Variants in ROBO2 observed in about 807,000 individuals in gnomAD.
ROBO2 encodes roundabout guidance receptor 2.
A neutral mutation model predicts 160.8 loss-of-function variants in ROBO2; 53 were observed. That is an observed-to-expected ratio of 0.33 (90% confidence interval 0.26 to 0.41). The LOEUF is 0.41. ROBO2 is among the 10% of genes least tolerant of loss of function. ROBO2 has a pLI of 1.00. For missense variants in ROBO2, 1,577 were observed against 1,722.4 expected (o/e 0.92, Z 1.49); for synonymous variants, 664 against 611.7 (o/e 1.09, Z -1.26).
intron 2 of ROBO2, among the ~76,000 whole-genome samples, chr3:77,126,857 C>T (rs1484567956): frequency 3.6e-5 from 5 of 138,006 alleles, no homozygotes; most frequent in Admixed American, 3.2e-4. Flanking sequence ...GGTGCAATCT[C>T]GGCTCACTGC....
chr3:77,214,280 ATAT>A (rs1262041560), intron 2 of ROBO2, among the ~76,000 whole-genome samples: 1 of 152,142 alleles, frequency 6.6e-6, no homozygotes, highest in East Asian at 1.9e-4. Context: ...GGGTGCATAT[ATAT>A]TTAGGACAGT....
chr3:75,997,556 G>A (rs1260973178), intron 2 of ROBO2, among the ~76,000 whole-genome samples: 14 of 144,706 alleles, frequency 9.7e-5, no homozygotes, highest in Middle Eastern at 3.8e-3. Flanking sequence ...GCAGTAGTGC[G>A]ATCTCGGCTT....
intron 23 of ROBO2, among the ~76,000 whole-genome samples, chr3:77,623,376 C>T (rs1210219588): frequency 6.6e-6 from 1 of 152,150 alleles, no homozygotes; most frequent in South Asian, 2.1e-4. Context: ...CACAATCCCG[C>T]TTAATTCATT....
rs546504195 is a variant in ROBO2, at chr3:76,924,401, C to A, written c.110-173613C>A. ...TTCCCTCTTTAACTATGTGAGGACACGGCAGGAAGTTACCATCTGTGAACC... is the reference window on the plus strand; with the variant it reads ...TTCCCTCTTTAACTATGTGAGGACAAGGCAGGAAGTTACCATCTGTGAACC... On this transcript the variant is annotated intron_variant, in intron 2 of 26. Transcript: ENST00000487694. Among the ~76,000 whole-genome samples, 8 of 152,270 alleles carry A rather than the reference C, an allele frequency of 5.3e-5. No individual in the cohort carries two copies. The South Asian group carries it at 1.7e-3, about 32-fold the overall frequency.
At position 76,858,257 on chromosome 3, in the gene ROBO2, A is replaced by T. The variant is rs1279528842; in HGVS notation, c.110-239757A>T. Among the ~76,000 whole-genome samples, 4 of 152,182 alleles carry T rather than the reference A, an allele frequency of 2.6e-5. No individual in the cohort carries two copies. The East Asian group carries it at 5.8e-4, about 22-fold the overall frequency. On this transcript the variant is annotated intron_variant, in intron 2 of 26. Transcript: ENST00000487694. ...TATGTTTATCACAGTGCCAACATAA[A>T]ACAAACACTCAGTAAATAGCTTTGT...
chr3:76,632,479 G>T (rs553754827), intron 2 of ROBO2, among the ~76,000 whole-genome samples: 1 of 152,288 alleles, frequency 6.6e-6, no homozygotes, highest in East Asian at 1.9e-4. Context: ...TTGCCTCATT[G>T]TGAGGTAAGT....
intron 2 of ROBO2, among the ~76,000 whole-genome samples, chr3:76,797,572 TA>T (rs2063799628): frequency 6.8e-6 from 1 of 146,996 alleles, no homozygotes; most frequent in Non-Finnish European, 1.5e-5. Flanking sequence ...AAAAGAAAAA[TA>T]AAAAGATCAG....
At chr3:77,606,228 G>T (rs1452970224) in intron 20 of ROBO2, among the ~76,000 whole-genome samples, 3 of 150,972 alleles carry the variant, frequency 2.0e-5, no homozygotes, top group African/African-American at 7.3e-5. Context: ...GGAAAAAAAA[G>T]AACACAAATG....
At chr3:76,834,013 C>CCTTTCTTTCTCTCTTTT (rs761803441) in intron 2 of ROBO2, among the ~76,000 whole-genome samples, 84,793 of 120,690 alleles carry the variant, frequency 0.7, 30,898 homozygotes, top group Non-Finnish European at 0.77. Context: ...TTCTTTCTTT[C>CCTTTCTTTCTCTCTTTT]CTTTCTTTCT....
At chr3:75,923,023 C>T (rs1404479894) in intron 1 of ROBO2, among the ~76,000 whole-genome samples, 1 of 152,186 alleles carries the variant, frequency 6.6e-6, no homozygotes, top group Admixed American at 6.5e-5. Context: ...GGTATAAAGA[C>T]ACACACATCA....
chr3:77,531,815 T>C (rs917778510), intron 6 of ROBO2, among the ~76,000 whole-genome samples: 8 of 152,092 alleles, frequency 5.3e-5, no homozygotes, highest in African/African-American at 1.9e-4. Flanking sequence ...CCTAGAATTT[T>C]GTTTCTTGCA....
rs1042524016 is a variant in ROBO2, at chr3:77,127,291, A to G, written c.388+28951A>G. Among the ~76,000 whole-genome samples the G allele has an allele frequency of 3.9e-5, 6 of 151,962 alleles. No individual in the cohort carries two copies. In the East Asian group the frequency reaches 1.2e-3, roughly 29 times the overall value. ...ACCCGTTTTATTCTGATCACTTCTC[A>G]TTTGTGGTTTAATCTTGCGCACAGT... On this transcript the variant is annotated intron_variant, in intron 2 of 25. Transcript: ENST00000461745.
chr3:76,445,401 C>A (rs1004259990), intron 2 of ROBO2, among the ~76,000 whole-genome samples: 1 of 152,092 alleles, frequency 6.6e-6, no homozygotes, highest in Non-Finnish European at 1.5e-5. Context: ...TGCTGAGACA[C>A]TTAGTAATAT....
At chr3:77,412,031 T>G (rs1374113876) in intron 2 of ROBO2, among the ~76,000 whole-genome samples, 3 of 152,198 alleles carry the variant, frequency 2.0e-5, no homozygotes, top group African/African-American at 7.2e-5. Context: ...AATGTGTAGG[T>G]GACTCATAGC....
intron 2 of ROBO2, among the ~76,000 whole-genome samples, chr3:77,344,262 A>T (rs1340518975): frequency 6.6e-6 from 1 of 152,128 alleles, no homozygotes; most frequent in African/African-American, 2.4e-5. Flanking sequence ...TATCAAAAAT[A>T]TTTTTTTCTT....
At chr3:77,390,808 G>A (rs1450336412) in intron 2 of ROBO2, among the ~76,000 whole-genome samples, 1 of 152,122 alleles carries the variant, frequency 6.6e-6, no homozygotes, top group East Asian at 1.9e-4. Context: ...ATTATACACA[G>A]TGTCTGAAGT....
intron 2 of ROBO2, among the ~76,000 whole-genome samples, chr3:76,184,590 T>C (rs1701657570): frequency 8.0e-6 from 1 of 124,434 alleles, no homozygotes; most frequent in Non-Finnish European, 1.7e-5. Flanking sequence ...GATAGATAGA[T>C]AGATAAGAGG....
intron 2 of ROBO2, among the ~76,000 whole-genome samples, chr3:76,422,517 C>G (rs909210754): frequency 2.0e-5 from 3 of 152,148 alleles, no homozygotes; most frequent in African/African-American, 4.8e-5. Flanking sequence ...CGTGTTTGAT[C>G]TGTATTAACC....
chr3:77,021,204 A>AG (rs2062611374), intron 2 of ROBO2, among the ~76,000 whole-genome samples: 1 of 152,064 alleles, frequency 6.6e-6, no homozygotes, highest in Non-Finnish European at 1.5e-5. Flanking sequence ...GTCTCCAAAA[A>AG]AAAGAAAGAA....
Sources: allele counts gnomAD v4.1 joint callset (sites outside exome capture counted in the v4.1 genomes callset), GRCh38; gene constraint gnomAD v4.1.1; transcripts MANE v1.5; gene names NCBI Gene and HGNC (gene_info 2026-07-23, HGNC 2026-07-21).